Variants in SHROOM3 observed in about 807,000 individuals in gnomAD.
SHROOM3 encodes protein Shroom3.
Under a neutral mutation model 138.6 loss-of-function variants are expected in SHROOM3, and 47 were observed. That is an observed-to-expected ratio of 0.34 (90% confidence interval 0.27 to 0.43). SHROOM3 has a LOEUF of 0.43. Ranked by LOEUF, SHROOM3 falls within the 20% of genes least tolerant of loss-of-function variation. The pLI is 1.00. For missense variants in SHROOM3, 2,491 were observed against 2,596.5 expected (o/e 0.96, Z 0.88); for synonymous variants, 1,062 against 1,063.3 (o/e 1.00, Z 0.02).
intron 2 of SHROOM3, among the ~76,000 whole-genome samples, chr4:76,649,593 CA>C (rs1443143510): frequency 6.6e-6 from 1 of 152,098 alleles, no homozygotes; most frequent in Non-Finnish European, 1.5e-5. Context: ...GCTTTTCTTC[CA>C]AATTAGAGAA....
At chr4:76,757,184 G>A (rs185845161) in intron 8 of SHROOM3, 102 of 504,962 alleles carry the variant, frequency 2.0e-4, no homozygotes, top group African/African-American at 1.8e-3. Context: ...AACGTTGTGT[G>A]TCAAACATTG....
chr4:76,641,221 A>T (rs1043237907), intron 2 of SHROOM3, among the ~76,000 whole-genome samples: 2 of 152,206 alleles, frequency 1.3e-5, no homozygotes, highest in African/African-American at 2.4e-5. Context: ...TCAGCTTTGT[A>T]ACTTGAGTGC....
chr4:76,566,124 A>AAAAAT (rs1733719922), intron 2 of SHROOM3, among the ~76,000 whole-genome samples: 1 of 151,956 alleles, frequency 6.6e-6, no homozygotes, highest in Non-Finnish European at 1.5e-5. Context: ...AAAAAAAAAA[A>AAAAAT]AAAAAATCAA....
At chr4:76,476,715 A>G (rs1266664332) in intron 1 of SHROOM3, among the ~76,000 whole-genome samples, 2 of 152,200 alleles carry the variant, frequency 1.3e-5, no homozygotes, top group Non-Finnish European at 2.9e-5. Context: ...CAGAAATAGC[A>G]CATGACTAAG....
intron 1 of SHROOM3, among the ~76,000 whole-genome samples, chr4:76,535,690 T>C (rs986708703): frequency 6.6e-6 from 1 of 152,224 alleles, no homozygotes; most frequent in Non-Finnish European, 1.5e-5. Flanking sequence ...CCCTCACTTA[T>C]GGTTCACGGT....
chr4:76,653,198 C>G (rs965866205), intron 2 of SHROOM3, among the ~76,000 whole-genome samples: 11 of 152,066 alleles, frequency 7.2e-5, no homozygotes, highest in Non-Finnish European at 1.3e-4. Context: ...ACTAAGCGGT[C>G]AGGGTTAGGA....
At chr4:76,765,918 T>A (rs992224883) in intron 9 of SHROOM3, among the ~76,000 whole-genome samples, 9 of 152,256 alleles carry the variant, frequency 5.9e-5, no homozygotes, top group Non-Finnish European at 1.0e-4. Flanking sequence ...TTTCTTTTCA[T>A]CCTCATGGTT....
intron 9 of SHROOM3, among the ~76,000 whole-genome samples, chr4:76,767,372 CAT>C (rs757900215): frequency 6.6e-6 from 1 of 152,206 alleles, no homozygotes; most frequent in Non-Finnish European, 1.5e-5. Context: ...AAGCATCACA[CAT>C]GTCCTTTAAA....
At chr4:76,468,479 C>A (rs1731293234) in intron 1 of SHROOM3, among the ~76,000 whole-genome samples, 1 of 151,856 alleles carries the variant, frequency 6.6e-6, no homozygotes, top group South Asian at 2.1e-4. Flanking sequence ...TTTTATAATT[C>A]CCTCTTAGGG....
chr4:76,510,991 G>A (rs1201328166), intron 1 of SHROOM3, among the ~76,000 whole-genome samples: 1 of 151,968 alleles, frequency 6.6e-6, no homozygotes, highest in Non-Finnish European at 1.5e-5. Context: ...GACCAGCCTG[G>A]CCAACATGGT....
At chr4:76,729,007 C>T (rs1720791691) in intron 3 of SHROOM3, among the ~76,000 whole-genome samples, 1 of 152,152 alleles carries the variant, frequency 6.6e-6, no homozygotes, top group African/African-American at 2.4e-5. Flanking sequence ...AGGCTTGTCT[C>T]CCTACCCTGT....
intron 10 of SHROOM3, 107 bp downstream of exon 10, chr4:76,771,005 T>C (rs1230085080): frequency 7.0e-7 from 1 of 1,424,068 alleles, no homozygotes; most frequent in African/African-American, 1.4e-5. Flanking sequence ...TGTGGCAATC[T>C]CTTTGGGGCA....
intron 2 of SHROOM3, among the ~76,000 whole-genome samples, chr4:76,563,413 C>T (rs1204913030): frequency 3.9e-5 from 6 of 152,158 alleles, no homozygotes; most frequent in African/African-American, 1.2e-4. Context: ...TATTCTCTGG[C>T]GAACGTAAGT....
intron 3 of SHROOM3, among the ~76,000 whole-genome samples, chr4:76,729,576 A>T (rs1720816567): frequency 6.6e-6 from 1 of 152,200 alleles, no homozygotes; most frequent in Admixed American, 6.5e-5. Context: ...CTATATTTTT[A>T]AAGTTATTTT....
At chr4:76,564,270 G>A (rs115879419) in intron 2 of SHROOM3, among the ~76,000 whole-genome samples, 42 of 152,312 alleles carry the variant, frequency 2.8e-4, no homozygotes, top group African/African-American at 1.0e-3. Flanking sequence ...CAGTATAACT[G>A]AGAACTGTGG....
In SHROOM3 at chr4:76,740,434, C is replaced by T. The variant is rs755513933; in HGVS notation, c.2261C>T (p.Ser754Phe). 1.2e-6 allele frequency: 2 copies of T among 1,612,450 alleles called. No individual in the cohort carries two copies. The highest frequency in any genetic ancestry group is 2.2e-5 in the South Asian group (2 of 91,054). Reference sequence around the variant, plus strand: ...CCTGCCCCCTCGCACCCGCACACATCCAGTCTGGGCCGGAGGGGGCCCGGC... The same window carrying T: ...CCTGCCCCCTCGCACCCGCACACATTCAGTCTGGGCCGGAGGGGGCCCGGC... ...EPPAPSHPHT[S>F]SLGRRGPGPG... The change falls in exon 5 of 11, where the codon TCC (serine) becomes TTC (phenylalanine). Residue 754 changes from serine (S) to phenylalanine (F), a missense_variant. Physicochemically the swap from Ser to Phe is radical, Grantham distance 155 (BLOSUM62 -2). Coordinates refer to ENST00000296043, the MANE Select transcript of SHROOM3 (RefSeq NM_020859.4). This position sits in a 1 kb window ranked among gnomAD's most constrained non-coding sequence, Gnocchi z 4.0.
intron 1 of SHROOM3, among the ~76,000 whole-genome samples, chr4:76,543,505 G>C (rs995075805): frequency 1.3e-5 from 2 of 150,554 alleles, no homozygotes; most frequent in Admixed American, 1.3e-4. Flanking sequence ...GAAGATACCA[G>C]GTTAGGCTAC....
chr4:76,485,927 A>T (rs1039700585), intron 1 of SHROOM3, among the ~76,000 whole-genome samples: 4 of 152,122 alleles, frequency 2.6e-5, no homozygotes, highest in African/African-American at 9.7e-5. Flanking sequence ...ATCTGCATAG[A>T]TCCTAATATG....
chr4:76,769,444 T>G (rs1722276794), intron 9 of SHROOM3, among the ~76,000 whole-genome samples: 1 of 152,210 alleles, frequency 6.6e-6, no homozygotes, highest in African/African-American at 2.4e-5. Context: ...TGGAGTTTAA[T>G]TTCTGTTGTG....
Sources: allele counts gnomAD v4.1 joint callset (sites outside exome capture counted in the v4.1 genomes callset), GRCh38; gene constraint gnomAD v4.1.1; non-coding constraint Gnocchi (gnomAD v3.1); transcripts MANE v1.5; gene names NCBI Gene and HGNC (gene_info 2026-07-23, HGNC 2026-07-21).